Variants in HEPHL1 observed in about 807,000 individuals in gnomAD.
HEPHL1 encodes hephaestin like 1, also known as ferroxidase HEPHL1.
A neutral mutation model predicts 122.0 loss-of-function variants in HEPHL1; 123 were observed. That is an observed-to-expected ratio of 1.01 (90% CI 0.87 to 1.17). The LOEUF is 1.17. Ranked by LOEUF, HEPHL1 falls within the 50% of genes most tolerant of loss-of-function variation. The pLI is 0.00. For synonymous variants in HEPHL1, 527 were observed against 508.9 expected (o/e 1.04, Z -0.48); for missense variants, 1,452 against 1,430.5 (o/e 1.01, Z -0.24).
intron 13 of HEPHL1, among the ~76,000 whole-genome samples, chr11:94,098,989 G>T (rs576531625): frequency 1.3e-5 from 2 of 152,042 alleles, no homozygotes; most frequent in Non-Finnish European, 2.9e-5. Flanking sequence ...AAGTCTGATC[G>T]TCTGAAGCCT....
chr11:94,024,973 G>A lies in HEPHL1; in HGVS notation c.170+3435G>A, dbSNP rs113411836. Among the ~76,000 whole-genome samples, 722 of 152,194 alleles carry A rather than the reference G, an allele frequency of 4.7e-3. 4 individuals are homozygous for A. The highest frequency in any genetic ancestry group is 0.017 in the African/African-American group (693 of 41,500). Reference sequence around the variant, plus strand: ...TCTGGTTGTTTTATCTTTGAATAAGGGGAATGGGCAAAAATCTGGGGAACA... The same window carrying A: ...TCTGGTTGTTTTATCTTTGAATAAGAGGAATGGGCAAAAATCTGGGGAACA... On this transcript the variant is annotated intron_variant, in intron 1 of 19. Coordinates refer to ENST00000315765, the MANE Select transcript of HEPHL1 (RefSeq NM_001098672.2).
intron 2 of HEPHL1, among the ~76,000 whole-genome samples, chr11:94,059,174 G>A (rs949898359): frequency 2.6e-5 from 4 of 152,084 alleles, no homozygotes; most frequent in African/African-American, 9.7e-5. Context: ...ATGCTATAAT[G>A]CTTTCTGTTT....
chr11:94,090,053 G>C (rs954066472), intron 12 of HEPHL1, among the ~76,000 whole-genome samples: 2 of 151,592 alleles, frequency 1.3e-5, no homozygotes, highest in African/African-American at 4.9e-5. Context: ...ATTGGCCTTT[G>C]TTTTGAGGGG....
At chr11:94,043,060 C>G (rs145133562) in intron 1 of HEPHL1, among the ~76,000 whole-genome samples, 3 of 151,502 alleles carry the variant, frequency 2.0e-5, no homozygotes, top group Non-Finnish European at 2.9e-5. Context: ...GAGAAGTGCT[C>G]CATGATACCT....
Position 94,113,348 on chromosome 11 carries a change from A to G in HEPHL1, c.*1454A>G, listed in dbSNP as rs1419272936. ...AGTGAGTGACAAGGACCTAAGAAAT[A>G]TTCTGGTGGAGGGACCTTTCACACT... is the stretch of plus-strand genomic sequence containing the variant. On this transcript the variant is annotated 3_prime_UTR_variant, in exon 20 of 20. Transcript: ENST00000315765. 1 of 152,216 alleles carries G rather than the reference A, an allele frequency of 6.6e-6. No individual in the cohort carries two copies. The highest frequency in any genetic ancestry group is 1.9e-4 in the East Asian group (1 of 5,198). 9.4% of individuals were successfully genotyped at this position (152,216 alleles called of 1,614,324 possible).
At chr11:94,049,002 C>A (rs984911469) in intron 2 of HEPHL1, among the ~76,000 whole-genome samples, 8 of 151,836 alleles carry the variant, frequency 5.3e-5, no homozygotes, top group Admixed American at 1.3e-4. Flanking sequence ...ATGCCTATAA[C>A]CCCAGCTACT....
chr11:94,027,171 TG>T (rs1024676068), intron 1 of HEPHL1, among the ~76,000 whole-genome samples: 1 of 152,212 alleles, frequency 6.6e-6, no homozygotes, highest in Non-Finnish European at 1.5e-5. Flanking sequence ...GTCTTCTCTC[TG>T]TGTGTCTAGC....
intron 2 of HEPHL1, among the ~76,000 whole-genome samples, 174 bp downstream of exon 2, chr11:94,046,091 CTTTTT>C (rs755367459): frequency 2.9e-4 from 19 of 65,054 alleles, no homozygotes; most frequent in African/African-American, 1.0e-3. Flanking sequence ...CCCTTTCTTG[CTTTTT>C]TTTTTTTTTT....
Position 94,093,526 on chromosome 11 carries a change from A to G in HEPHL1, c.2320A>G (p.Thr774Ala). 7 of 1,613,578 alleles carry G rather than the reference A, an allele frequency of 4.3e-6. No homozygotes were observed. Among genetic ancestry groups the G allele is most frequent in the Non-Finnish European group, 5.9e-6 (7 of 1,179,756 alleles). ...ACATGGAGATATATTTATGAACCGC[A>G]CTGAAAATTGGATTGGCTCTCAGTA... ...ERHGDIFMNR[T>A]ENWIGSQYKK... Residue 774 changes from threonine (T) to alanine (A), a missense_variant, in exon 13 of 20, where the codon ACT (threonine) becomes GCT (alanine). Physicochemically the swap from Thr to Ala is moderately conservative, Grantham distance 58 (BLOSUM62 0). Coordinates refer to ENST00000315765, the MANE Select transcript of HEPHL1 (RefSeq NM_001098672.2).
At chr11:94,060,602 A>G (rs906918747) in intron 2 of HEPHL1, among the ~76,000 whole-genome samples, 4 of 152,104 alleles carry the variant, frequency 2.6e-5, no homozygotes, top group African/African-American at 4.8e-5. Flanking sequence ...ATACCTAACA[A>G]GTGATGGAGG....
rs529318858 is a variant in HEPHL1, at chr11:94,087,996, A to G, written c.2081-759A>G. Among the ~76,000 whole-genome samples the G allele has an allele frequency of 9.8e-5, 15 of 152,348 alleles. No homozygotes were observed. The East Asian group carries it at 2.9e-3, about 29-fold the overall frequency. On this transcript the variant is annotated intron_variant, in intron 11 of 19. Transcript: ENST00000315765. ...AAGGGGAGAAAGATTTATTGATCCA[A>G]TATTTTCATTGAGAGTTAATATCTT... is the stretch of plus-strand genomic sequence containing the variant.
At chr11:94,085,650 C>T (rs1946210673) in intron 10 of HEPHL1, among the ~76,000 whole-genome samples, 1 of 152,026 alleles carries the variant, frequency 6.6e-6, no homozygotes, top group Non-Finnish European at 1.5e-5. Flanking sequence ...GGAAAATAAC[C>T]ACAAAAGAAA....
intron 1 of HEPHL1, among the ~76,000 whole-genome samples, chr11:94,038,237 C>T (rs931687890): frequency 9.3e-5 from 14 of 151,012 alleles, no homozygotes; most frequent in African/African-American, 1.9e-4. Flanking sequence ...ACCAAATTTA[C>T]GTCCGATTGG....
At chr11:94,028,533 GCAATGTAATGTTC>G (rs1305580274) in intron 1 of HEPHL1, among the ~76,000 whole-genome samples, 1 of 152,140 alleles carries the variant, frequency 6.6e-6, no homozygotes, top group Non-Finnish European at 1.5e-5. Flanking sequence ...CCAGGCACTG[GCAATGTAATGTTC>G]CAAGTCCCCA....
intron 1 of HEPHL1, among the ~76,000 whole-genome samples, chr11:94,023,809 C>T (rs1945601776): frequency 6.6e-6 from 1 of 152,164 alleles, no homozygotes; most frequent in Non-Finnish European, 1.5e-5. Flanking sequence ...TGGACGTTGG[C>T]TTTTATCAGT....
chr11:94,087,064 C>A lies in HEPHL1; in HGVS notation c.2080+875C>A, dbSNP rs145944875. Among the ~76,000 whole-genome samples the A allele has an allele frequency of 7.1e-3, 1,080 of 152,282 alleles. 15 individuals carry two copies. Among genetic ancestry groups the A allele is most frequent in the African/African-American group, 0.025 (1,042 of 41,554 alleles). On this transcript the variant is annotated intron_variant, in intron 11 of 19. Coordinates refer to ENST00000315765, the MANE Select transcript of HEPHL1 (RefSeq NM_001098672.2). ...GAACTTGAGGCTTGGGCTTCAAAAT[C>A]TTTGCCTAAGGACTGCCTGAGACTA...
chr11:94,087,655 C>T (rs991456102), intron 11 of HEPHL1, among the ~76,000 whole-genome samples: 1 of 151,978 alleles, frequency 6.6e-6, no homozygotes, highest in Non-Finnish European at 1.5e-5. Context: ...ATTGAAGTGC[C>T]ATGATCAATA....
At chr11:94,070,313 C>T (rs2134431897) in intron 5 of HEPHL1, 61 bp from the exon 6 acceptor site, 1 of 1,487,802 alleles carries the variant, frequency 6.7e-7, no homozygotes, top group Non-Finnish European at 9.0e-7. Flanking sequence ...TCAGTCTTTT[C>T]CTATATGATT....
chr11:94,041,206 G>A (rs1945774720), intron 1 of HEPHL1, among the ~76,000 whole-genome samples: 1 of 150,894 alleles, frequency 6.6e-6, no homozygotes, highest in South Asian at 2.1e-4. Context: ...ACAAGCCACT[G>A]CTCAAGGAAA....
Sources: allele counts gnomAD v4.1 joint callset (sites outside exome capture counted in the v4.1 genomes callset), GRCh38; gene constraint gnomAD v4.1.1; transcripts MANE v1.5; gene names NCBI Gene and HGNC (gene_info 2026-07-23, HGNC 2026-07-21).